Variants in TFDP1 observed in about 807,000 individuals in gnomAD.
TFDP1 encodes the protein DRTF1-polypeptide 1.
Under a neutral mutation model 48.0 loss-of-function variants are expected in TFDP1, and 6 were observed. The ratio of observed to expected loss-of-function variants is 0.13; its 90% CI spans 0.07 to 0.25. The LOEUF is 0.25. TFDP1 is among the 10% of genes least tolerant of loss of function. TFDP1 has a pLI of 1.00. For synonymous variants in TFDP1, 201 were observed against 211.6 expected, an observed-to-expected ratio of 0.95 and a Z score of 0.44; for missense variants, 335 against 543.0, an observed-to-expected ratio of 0.62 and a Z score of 3.81.
rs745315630 is a variant in TFDP1 at position 113,635,844 on chromosome 13, C to T, written c.688-133C>T. 91 of 1,032,840 alleles carry T rather than the reference C, an allele frequency of 8.8e-5. 1 individual carries two copies. The highest frequency in any genetic ancestry group is 6.5e-4 in the South Asian group (40 of 61,476). 64.0% of individuals were successfully genotyped at this position (1,032,840 alleles called of 1,614,324 possible). On this transcript the variant is annotated intron_variant, in intron 8 of 11. Coordinates refer to ENST00000375370, the MANE Select transcript of TFDP1 (RefSeq NM_007111.5). ...GCAGAGGTCAGCACCCAGCGGCCGG[C>T]GCTGGCATTTCAGATGTCCAGGCCA...
chr13:113,597,793 T>C lies in TFDP1; in HGVS notation c.12+11944T>C, dbSNP rs542258755. 1.5e-4 allele frequency among the ~76,000 whole-genome samples: 23 copies of C among 152,288 alleles called. 1 individual carries two copies. The South Asian group carries it at 4.8e-3, about 32-fold the overall frequency. ...GGGACGGCCATTGCCGTGTGTCCAATGTGAGGGCTCTGAGCTCAGGAGCCA... is the reference window on the plus strand; with the variant it reads ...GGGACGGCCATTGCCGTGTGTCCAACGTGAGGGCTCTGAGCTCAGGAGCCA... On this transcript the variant is annotated intron_variant, in intron 2 of 11. Transcript: ENST00000375370.
chr13:113,635,423 G>A (rs2049459207), intron 8 of TFDP1, among the ~76,000 whole-genome samples: 1 of 152,156 alleles, frequency 6.6e-6, no homozygotes, highest in African/African-American at 2.4e-5. Context: ...GGAGAGGAAG[G>A]GAATCTCCTG....
At chr13:113,622,266 CTT>C (rs1366545399) in intron 3 of TFDP1, among the ~76,000 whole-genome samples, 1 of 152,212 alleles carries the variant, frequency 6.6e-6, no homozygotes, top group African/African-American at 2.4e-5. Flanking sequence ...TCTTTTATCT[CTT>C]TGTCTTGTGT....
At position 113,608,289 on chromosome 13, in the gene TFDP1, C is replaced by T. The variant is rs190739484; in HGVS notation, c.13-2707C>T. Among the ~76,000 whole-genome samples, 42 of 152,334 alleles carry T rather than the reference C, an allele frequency of 2.8e-4. No homozygotes were observed. In the East Asian group the frequency reaches 7.7e-3, roughly 28 times the overall value. On this transcript the variant is annotated intron_variant, in intron 2 of 11. Coordinates refer to ENST00000375370, the MANE Select transcript of TFDP1 (RefSeq NM_007111.5). ...CCCTGGCCCTGTACTTTTTAGCAGG[C>T]GCTCATGCTCATCCTGGTGAGGGAG...
rs1305025084 is a variant in TFDP1, at chr13:113,639,763, T to A, written c.1086-357T>A. Among the ~76,000 whole-genome samples the A allele has an allele frequency of 2.6e-5, 4 of 152,194 alleles. 1 individual carries two copies. The highest frequency in any genetic ancestry group is 1.3e-4 in the Admixed American group (2 of 15,286). On this transcript the variant is annotated intron_variant, in intron 11 of 11. Coordinates refer to ENST00000375370, the MANE Select transcript of TFDP1 (RefSeq NM_007111.5). Reference sequence around the variant, plus strand: ...GGCTCTCTTTTTTCCTGTTGCTGGTTATGAGTGAAAGTCCCGGAGGGAGGG... The same window carrying A: ...GGCTCTCTTTTTTCCTGTTGCTGGTAATGAGTGAAAGTCCCGGAGGGAGGG...
At chr13:113,600,059 TGAGA>T (rs1367916245) in intron 2 of TFDP1, among the ~76,000 whole-genome samples, 1 of 147,210 alleles carries the variant, frequency 6.8e-6, no homozygotes, top group East Asian at 2.1e-4. Context: ...CCCAGGACTG[TGAGA>T]GAGAATCCTT....
At chr13:113,619,385 C>T (rs1289499279) in intron 3 of TFDP1, among the ~76,000 whole-genome samples, 3 of 150,998 alleles carry the variant, frequency 2.0e-5, no homozygotes, top group Non-Finnish European at 2.9e-5. Context: ...GCAGGGGAAT[C>T]GCTGGAACGC....
Position 113,623,319 on chromosome 13 carries a change from C to A in TFDP1, c.186+33C>A. 6.4e-7 allele frequency: 1 copy of A among 1,573,992 alleles called. No homozygotes were observed. The highest frequency in any genetic ancestry group is 8.6e-7 in the Non-Finnish European group (1 of 1,157,538). ...TCCCGCAGGAGCGGACAGCCGGGAT[C>A]TCGGTGTGAGGTCGGGATCGGATGA... is the stretch of plus-strand genomic sequence containing the variant. On this transcript the variant is annotated intron_variant, in intron 4 of 11. Coordinates refer to ENST00000375370, the MANE Select transcript of TFDP1 (RefSeq NM_007111.5). This position sits in a 1 kb window ranked among gnomAD's most constrained non-coding sequence, Gnocchi z 5.2.
At chr13:113,612,730 A>T (rs1239911101) in intron 3 of TFDP1, among the ~76,000 whole-genome samples, 5 of 152,134 alleles carry the variant, frequency 3.3e-5, no homozygotes, top group African/African-American at 1.2e-4. Flanking sequence ...ATTCTTACTC[A>T]CAAATCTGTG....
intron 3 of TFDP1, among the ~76,000 whole-genome samples, chr13:113,619,236 G>T (rs956015418): frequency 1.3e-5 from 2 of 152,200 alleles, no homozygotes; most frequent in East Asian, 3.8e-4. Flanking sequence ...ACTTTGGGAG[G>T]CCGAGGCAGG....
chr13:113,637,796 C>T, intron 10 of TFDP1, 22 bp from the exon 11 acceptor site: 1 of 1,614,258 alleles, frequency 6.2e-7, no homozygotes. Flanking sequence ...TGACCATTCG[C>T]TTATTTTCTT....
Position 113,623,826 on chromosome 13 carries a change from G to C in TFDP1, c.186+540G>C, listed in dbSNP as rs1043575253. ...GTGGCGCATCCCCCCTCCCCAGGCT[G>C]ATGCTGGCCAACTGATGCTGCTTCT... On this transcript the variant is annotated intron_variant, in intron 4 of 11. Coordinates refer to ENST00000375370, the MANE Select transcript of TFDP1 (RefSeq NM_007111.5). This position sits in a 1 kb window ranked among gnomAD's most constrained non-coding sequence, Gnocchi z 5.2. 4.6e-5 allele frequency among the ~76,000 whole-genome samples: 7 copies of C among 152,182 alleles called. No homozygotes were observed. The highest frequency in any genetic ancestry group is 1.7e-4 in the African/African-American group (7 of 41,438).
chr13:113,623,653 T>C lies in TFDP1; in HGVS notation c.186+367T>C, dbSNP rs771290385. On this transcript the variant is annotated intron_variant, in intron 4 of 11. Coordinates refer to ENST00000375370, the MANE Select transcript of TFDP1 (RefSeq NM_007111.5). The surrounding 1 kb of genome is among the most constrained non-coding windows in gnomAD (Gnocchi z 5.2). ...GCTTCTTACGTGATGTGGCCGAGCG[T>C]TGGCTGTGGCCCTCCTGGAGACATC... Among the ~76,000 whole-genome samples the C allele has an allele frequency of 8.5e-5, 13 of 152,178 alleles. No individual in the cohort carries two copies. Among genetic ancestry groups the C allele is most frequent in the Non-Finnish European group, 1.6e-4 (11 of 68,020 alleles).
At chr13:113,590,185 A>C (rs1417621963) in intron 2 of TFDP1, among the ~76,000 whole-genome samples, 1 of 152,172 alleles carries the variant, frequency 6.6e-6, no homozygotes, top group African/African-American at 2.4e-5. Context: ...TGTGGACGTC[A>C]CTGCCCGGTA....
intron 2 of TFDP1, among the ~76,000 whole-genome samples, chr13:113,605,591 T>C (rs1398740952): frequency 6.6e-6 from 1 of 152,136 alleles, no homozygotes; most frequent in Non-Finnish European, 1.5e-5. Flanking sequence ...AAGGCCAGGG[T>C]CTGGGAGTCT....
At chr13:113,630,140 C>A (rs1390800321) in intron 4 of TFDP1, among the ~76,000 whole-genome samples, 1 of 144,174 alleles carries the variant, frequency 6.9e-6, no homozygotes, top group Non-Finnish European at 1.5e-5. Flanking sequence ...TCCCACGTGG[C>A]CCAGTGCCCC....
At chr13:113,630,154 A>AGCAC (rs1555356707) in intron 4 of TFDP1, among the ~76,000 whole-genome samples, 1 of 103,652 alleles carries the variant, frequency 9.6e-6, no homozygotes, top group Non-Finnish European at 1.9e-5. Flanking sequence ...GTGCCCCAGC[A>AGCAC]GCACACACAC....
chr13:113,599,281 G>A (rs1213679470), intron 2 of TFDP1, among the ~76,000 whole-genome samples: 4 of 152,078 alleles, frequency 2.6e-5, no homozygotes, highest in Non-Finnish European at 5.9e-5. Flanking sequence ...TCCCTGTCAC[G>A]GACCTGGGTG....
chr13:113,585,283 G>A (rs2047971399), intron 1 of TFDP1: 1 of 150,708 alleles, frequency 6.6e-6, no homozygotes, highest in African/African-American at 2.4e-5. Context: ...GTGCGGAGGC[G>A]GCCCGAGGCC....
Sources: allele counts gnomAD v4.1 joint callset (sites outside exome capture counted in the v4.1 genomes callset), GRCh38; gene constraint gnomAD v4.1.1; non-coding constraint Gnocchi (gnomAD v3.1); transcripts MANE v1.5; gene names NCBI Gene and HGNC (gene_info 2026-07-23, HGNC 2026-07-21).